Variants in TFB1M observed in about 807,000 individuals in gnomAD.
TFB1M encodes the protein dimethyladenosine transferase 1, mitochondrial.
A neutral mutation model predicts 31.1 loss-of-function variants in TFB1M; 27 were observed. The observed-to-expected ratio is 0.87, with a 90% CI of 0.64 to 1.20. The LOEUF (loss-of-function observed/expected upper bound fraction) is 1.20, where lower values mean the gene tolerates loss of function less well. TFB1M is among the 50% of genes most tolerant of loss of function. The pLI, the probability that TFB1M is intolerant of heterozygous loss-of-function variation, is 0.00. For synonymous variants in TFB1M, 166 were observed against 151.8 expected (o/e 1.09, Z -0.69); for missense variants, 394 against 418.7 (o/e 0.94, Z 0.51).
At chr6:155,307,164 CACATAT>C (rs890690943) in intron 2 of TFB1M, among the ~76,000 whole-genome samples, 1 of 134,742 alleles carries the variant, frequency 7.4e-6, no homozygotes, top group African/African-American at 2.7e-5. Context: ...CACACACACA[CACATAT>C]ACACACAGAC....
the TFB1M span, chr6:155,247,913 A>G: frequency 6.9e-7 from 1 of 1,457,732 alleles, no homozygotes. Context: ...CTATAGAAAT[A>G]GATGATCTAT....
At chr6:155,284,862 T>C (rs546797700) in intron 5 of TFB1M, among the ~76,000 whole-genome samples, 13 of 152,352 alleles carry the variant, frequency 8.5e-5, no homozygotes, top group Admixed American at 3.9e-4. Context: ...GTGTAACTTA[T>C]CTTCCATACA....
At position 155,276,113 on chromosome 6, in the gene TFB1M, A is replaced by G. The variant is rs759011604; in HGVS notation, c.666+9045T>C. The G allele has an allele frequency of 5.6e-6, 9 of 1,614,094 alleles. No individual in the cohort carries two copies. The South Asian group carries it at 9.9e-5, about 18-fold the overall frequency. On this transcript the variant is annotated intron_variant, in intron 5 of 6. Transcript: ENST00000367166. ...CTGTTTCATGTCTGCAGGAATCTCT[A>G]GTTTAATCTCGACAGTGTGGTACAC...
intron 2 of TFB1M, among the ~76,000 whole-genome samples, chr6:155,301,934 T>G (rs542746007): frequency 6.6e-6 from 1 of 152,286 alleles, no homozygotes; most frequent in South Asian, 2.1e-4. Flanking sequence ...CATGAAACAA[T>G]GTAATAAACA....
intron 5 of TFB1M, among the ~76,000 whole-genome samples, chr6:155,267,065 C>T (rs1784684839): frequency 6.6e-6 from 1 of 150,986 alleles, no homozygotes; most frequent in African/African-American, 2.4e-5. Context: ...ACCTCCACCT[C>T]CTGGGTTCAA....
rs570561855 is a variant in TFB1M, at chr6:155,263,095, C to T, written c.667-2695G>A. ...GCTTCTGGGACGGCCAGGACCTCTC[C>T]TGTACCACCCCTTCCTCTCCCTTTC... On this transcript the variant is annotated intron_variant, in intron 5 of 6. Transcript: ENST00000367166. 9.8e-5 allele frequency among the ~76,000 whole-genome samples: 15 copies of T among 152,322 alleles called. No individual in the cohort carries two copies. In the East Asian group the frequency reaches 2.7e-3, roughly 27 times the overall value.
At chr6:155,251,997 G>C, downstream of TFB1M, 1 of 1,604,906 alleles carries the variant, frequency 6.2e-7, no homozygotes, top group Non-Finnish European at 8.5e-7. Flanking sequence ...AACTGAAAAA[G>C]AAATTGGTAA....
chr6:155,313,613 C>T (rs1778112884), intron 1 of TFB1M, among the ~76,000 whole-genome samples: 1 of 152,146 alleles, frequency 6.6e-6, no homozygotes, highest in South Asian at 2.1e-4. Flanking sequence ...TTGAGCACTT[C>T]AAACTTATTA....
chr6:155,256,019 A>AAGAG (rs147053141), downstream of TFB1M: 1 of 145,188 alleles, frequency 6.9e-6, no homozygotes, highest in Non-Finnish European at 1.3e-5. Context: ...TTAAAAAAAA[A>AAGAG]GGGGGGGGGA....
At chr6:155,236,351 G>A in the TFB1M span, among the ~76,000 whole-genome samples, 1 of 151,754 alleles carries the variant, frequency 6.6e-6, no homozygotes, top group Admixed American at 6.6e-5. Flanking sequence ...AGCAACACCT[G>A]GGGGAGTTTT....
At chr6:155,241,850 G>A in the TFB1M span, among the ~76,000 whole-genome samples, 11 of 152,174 alleles carry the variant, frequency 7.2e-5, no homozygotes, top group South Asian at 2.1e-4. Flanking sequence ...TTTCCAAGTC[G>A]CTGTGTGGCG....
chr6:155,281,163 T>C (rs1239725644), intron 5 of TFB1M, among the ~76,000 whole-genome samples: 6 of 152,236 alleles, frequency 3.9e-5, no homozygotes, highest in African/African-American at 1.2e-4. Flanking sequence ...CAGCATTCAC[T>C]GCCAGATACT....
the TFB1M span, chr6:155,245,706 C>G: frequency 1.2e-6 from 2 of 1,603,376 alleles, no homozygotes; most frequent in Non-Finnish European, 1.7e-6. Context: ...CTAACCATAT[C>G]AAAGTACAGA....
intron 5 of TFB1M, chr6:155,276,464 T>C (rs539807887): frequency 2.3e-5 from 28 of 1,231,940 alleles, no homozygotes; most frequent in South Asian, 2.0e-4. Flanking sequence ...TATGCTTAAC[T>C]TTCCCTACAA....
At chr6:155,291,771 C>T (rs1265476867) in intron 4 of TFB1M, among the ~76,000 whole-genome samples, 1 of 152,144 alleles carries the variant, frequency 6.6e-6, no homozygotes, top group Non-Finnish European at 1.5e-5. Context: ...CCAAATGCCC[C>T]TGAGGAGCAG....
the TFB1M span, chr6:155,240,669 T>G: frequency 3.1e-5 from 50 of 1,613,594 alleles, no homozygotes; most frequent in Non-Finnish European, 4.1e-5. Context: ...CTCCGCAAAG[T>G]CATCCAGGAG....
At chr6:155,246,765 AAAG>A in the TFB1M span, among the ~76,000 whole-genome samples, 1 of 152,342 alleles carries the variant, frequency 6.6e-6, no homozygotes, top group South Asian at 2.1e-4. Flanking sequence ...CCTTTGTCAT[AAAG>A]AAGAGGGGTC....
chr6:155,258,232 G>C (rs1583303180), intron 6 of TFB1M, 150 bp from the exon 7 acceptor site: 1 of 979,040 alleles, frequency 1.0e-6, no homozygotes, highest in African/African-American at 1.6e-5. Context: ...GGATTATATA[G>C]CACCAGATAA....
At chr6:155,302,987 G>A (rs546369028) in intron 2 of TFB1M, among the ~76,000 whole-genome samples, 1 of 152,284 alleles carries the variant, frequency 6.6e-6, no homozygotes, top group South Asian at 2.1e-4. Flanking sequence ...ATCAGATCTC[G>A]TGAGAGCTCA....
Sources: gnomAD v4.1 joint callset for allele counts (sites outside exome capture counted in the v4.1 genomes callset) on GRCh38, gnomAD v4.1.1 for gene constraint, MANE v1.5 for transcripts, NCBI Gene and HGNC (gene_info 2026-07-23, HGNC 2026-07-21) for gene names.